Variants in MPP7 observed in about 807,000 individuals in gnomAD.
The protein encoded by MPP7 is MAGUK p55 subfamily member 7.
MPP7 carries 60 observed loss-of-function variants against 76.5 expected under a neutral mutation model. That is an observed-to-expected ratio of 0.78 (90% CI 0.64 to 0.97). The LOEUF is 0.97. Among genes scored for constraint, MPP7 ranks in the 50% least tolerant of loss-of-function variants. MPP7 has a pLI of 0.00. For synonymous variants in MPP7, 237 were observed against 244.5 expected (o/e 0.97, Z 0.29); for missense variants, 641 against 694.0 (o/e 0.92, Z 0.86).
chr10:28,306,636 A>C (rs1263133878), upstream of MPP7, among the ~76,000 whole-genome samples: 1 of 149,804 alleles, frequency 6.7e-6, no homozygotes, highest in Non-Finnish European at 1.5e-5. Context: ...CAACAGAGTA[A>C]GACCCTGTCT....
At chr10:28,181,421 A>C (rs73608058) in intron 3 of MPP7, among the ~76,000 whole-genome samples, 40 of 152,364 alleles carry the variant, frequency 2.6e-4, no homozygotes, top group African/African-American at 8.7e-4. Flanking sequence ...TCTGTCTGTA[A>C]TAAAGATGAT....
intron 1 of MPP7, among the ~76,000 whole-genome samples, chr10:28,273,149 C>T (rs1011224293): frequency 1.1e-4 from 16 of 152,300 alleles, no homozygotes; most frequent in African/African-American, 3.9e-4. Context: ...AACTCCTAAC[C>T]TCAAGTGATC....
At position 28,303,024 on chromosome 10, in the gene MPP7, T is replaced by A. The variant is rs993414096; in HGVS notation, c.-295A>T. Among the ~76,000 whole-genome samples, 22 of 149,682 alleles carry A rather than the reference T, an allele frequency of 1.5e-4. No individual in the cohort carries two copies. Among genetic ancestry groups the A allele is most frequent in the African/African-American group, 5.3e-4 (22 of 41,162 alleles). On this transcript the variant is annotated 5_prime_UTR_variant, in exon 1 of 17. Transcript: ENST00000683449. Reference sequence around the variant, plus strand: ...GCGGGCGCAGAACGCACGAGCCCAGTGGGAGCCCGGCCCCCGCCTCCAGCC... The same window carrying A: ...GCGGGCGCAGAACGCACGAGCCCAGAGGGAGCCCGGCCCCCGCCTCCAGCC...
At chr10:28,233,308 C>T (rs907649344) in intron 2 of MPP7, among the ~76,000 whole-genome samples, 6 of 152,184 alleles carry the variant, frequency 3.9e-5, no homozygotes, top group African/African-American at 1.4e-4. Flanking sequence ...AGTATAGTTA[C>T]AGATGATTAC....
At chr10:28,204,025 A>C (rs886492590) in intron 2 of MPP7, among the ~76,000 whole-genome samples, 1 of 152,338 alleles carries the variant, frequency 6.6e-6, no homozygotes, top group Admixed American at 6.5e-5. Flanking sequence ...AAAAAGCAAA[A>C]GTGTGGATCA....
At chr10:28,118,169 TACAC>T in intron 11 of MPP7, 1 of 985,034 alleles carries the variant, frequency 1.0e-6, no homozygotes, top group South Asian at 4.7e-5. Flanking sequence ...TACTTCTACA[TACAC>T]ACACAAACAA....
rs895453578 is a variant in MPP7, at chr10:28,120,090, G to A, written c.887+104C>T. On this transcript the variant is annotated intron_variant, in intron 10 of 16. Transcript: ENST00000683449. ...AACCCACAGGATAAAAAATTCTAAG[G>A]CAAGGTTTTATAGCATATTTTATCA... is the stretch of plus-strand genomic sequence containing the variant. The A allele has an allele frequency of 5.6e-6, 7 of 1,252,102 alleles. No individual in the cohort carries two copies. In the East Asian group the frequency reaches 1.5e-4, roughly 27 times the overall value. 77.6% of individuals were successfully genotyped at this position (1,252,102 alleles called of 1,614,324 possible). A position where few individuals can be genotyped will look rare whatever the true frequency, so the allele number is the denominator to read the frequency against.
chr10:28,279,709 A>AC (rs1277273843), intron 1 of MPP7, among the ~76,000 whole-genome samples: 4 of 151,916 alleles, frequency 2.6e-5, no homozygotes, highest in African/African-American at 9.7e-5. Context: ...TGTCTCAAAA[A>AC]AAAAAAAAAA....
chr10:28,125,786 T>G (rs1294910430), intron 6 of MPP7, among the ~76,000 whole-genome samples: 2 of 152,136 alleles, frequency 1.3e-5, no homozygotes, highest in Non-Finnish European at 2.9e-5. Context: ...AGTATTGGCA[T>G]AAGATTAGGA....
chr10:28,327,231 T>TAAA (rs59442840), intron 2 of MPP7, among the ~76,000 whole-genome samples: 31 of 95,742 alleles, frequency 3.2e-4, no homozygotes, highest in African/African-American at 8.7e-4. Context: ...GTCAAAGAAG[T>TAAA]AAAAAAAAAA....
intron 11 of MPP7, among the ~76,000 whole-genome samples, chr10:28,102,377 A>G (rs1361343085): frequency 2.0e-5 from 3 of 152,192 alleles, no homozygotes; most frequent in Admixed American, 1.3e-4. Context: ...TCTTTTAATA[A>G]TAACAGCCAA....
intron 1 of MPP7, among the ~76,000 whole-genome samples, chr10:28,253,090 T>C (rs1396380466): frequency 1.3e-5 from 2 of 152,098 alleles, no homozygotes; most frequent in Non-Finnish European, 2.9e-5. Flanking sequence ...GTATTTTTAG[T>C]AGAGATGGGT....
intron 2 of MPP7, among the ~76,000 whole-genome samples, chr10:28,213,237 G>C (rs1047858857): frequency 1.3e-5 from 2 of 152,058 alleles, no homozygotes; most frequent in Admixed American, 1.3e-4. Flanking sequence ...CCTTGTACGG[G>C]AAGTGGGGTA....
At chr10:28,230,994 GAC>G (rs1225952258) in intron 2 of MPP7, among the ~76,000 whole-genome samples, 1 of 152,008 alleles carries the variant, frequency 6.6e-6, no homozygotes, top group African/African-American at 2.4e-5. Flanking sequence ...TGGCCTAATA[GAC>G]ACATATAGAA....
At chr10:28,131,737 ATATAT>A in intron 5 of MPP7, 46 bp from the exon 6 acceptor site, 1 of 1,038,866 alleles carries the variant, frequency 9.6e-7, no homozygotes, top group Non-Finnish European at 1.3e-6. Flanking sequence ...ATACATACTT[ATATAT>A]TATATGTAAT....
At chr10:28,119,419 C>T (rs1397493778) in intron 11 of MPP7, among the ~76,000 whole-genome samples, 5 of 152,086 alleles carry the variant, frequency 3.3e-5, no homozygotes, top group Non-Finnish European at 7.4e-5. Flanking sequence ...TAGTCACTTT[C>T]TTAAAGAGTG....
At chr10:28,082,275 A>C (rs960442263) in intron 12 of MPP7, among the ~76,000 whole-genome samples, 5 of 152,196 alleles carry the variant, frequency 3.3e-5, no homozygotes, top group South Asian at 4.1e-4. Flanking sequence ...ATAATCTAAT[A>C]AGTGTTTTAA....
At position 28,150,009 on chromosome 10, in the gene MPP7, G is replaced by C. The variant is rs764858465; in HGVS notation, c.207C>G (p.Leu69=). 2.5e-6 allele frequency: 4 copies of C among 1,613,646 alleles called. No individual in the cohort carries two copies. The South Asian group carries it at 4.4e-5, about 18-fold the overall frequency. The part of the protein sequence containing the change: ...YYEKQSPVPI[L]HGAAALADDL... ...CATCGGCCAAGGCCGCCGCACCATG[G>C]AGAATGGGCACCGGACTCTGCTTCT... Residue 69 remains leucine (L), a synonymous_variant, in exon 4 of 17, where the codon CTC becomes CTG. Coordinates refer to ENST00000683449, the MANE Select transcript of MPP7 (RefSeq NM_001318170.2).
At chr10:28,301,209 G>A (rs1052531731) in intron 1 of MPP7, among the ~76,000 whole-genome samples, 1 of 152,058 alleles carries the variant, frequency 6.6e-6, no homozygotes, top group Non-Finnish European at 1.5e-5. Context: ...AAAGTCATAA[G>A]TCATGATCAA....
Sources: gnomAD v4.1 joint callset for allele counts (sites outside exome capture counted in the v4.1 genomes callset) on GRCh38, gnomAD v4.1.1 for gene constraint, MANE v1.5 for transcripts, NCBI Gene and HGNC (gene_info 2026-07-23, HGNC 2026-07-21) for gene names.